The following TMEM59 variants were observed in gnomAD, a reference collection of about 807,000 sequenced individuals.
TMEM59 encodes transmembrane protein 59, also known as dendritic cell factor 1.
In TMEM59, 44 loss-of-function variants were observed where a neutral mutation model predicts 42.2. The ratio of observed to expected loss-of-function variants is 1.04; its 90% CI spans 0.82 to 1.34. The LOEUF (loss-of-function observed/expected upper bound fraction) is 1.34, where lower values mean the gene tolerates loss of function less well. Ranked by LOEUF, TMEM59 falls within the 40% of genes most tolerant of loss-of-function variation. The pLI is 0.00. For missense variants in TMEM59, 359 were observed against 382.8 expected (o/e 0.94, Z 0.52); for synonymous variants, 148 against 145.8 (o/e 1.02, Z -0.11).
At position 54,029,084 on chromosome 1, in the gene TMEM59, G is replaced by C. The variant is rs1461485150; in HGVS notation, c.*3066C>G. On this transcript the variant is annotated 3_prime_UTR_variant, in exon 8 of 8. Coordinates refer to ENST00000234831, the MANE Select transcript of TMEM59 (RefSeq NM_004872.5). ...GGCTCATTTATCTAAGACAAATCCA[G>C]ACAGACTAATAACAAAGGGTAAATT... The C allele has an allele frequency of 6.6e-6, 1 of 152,156 alleles. No individual in the cohort carries two copies. The highest frequency in any genetic ancestry group is 1.5e-5 in the Non-Finnish European group (1 of 68,026). The allele number at this position is 152,156 out of a possible 1,614,324, so 9.4% of individuals were successfully genotyped here. A position where few individuals can be genotyped will look rare whatever the true frequency, so the allele number is the denominator to read the frequency against.
intron 1 of TMEM59, among the ~76,000 whole-genome samples, chr1:54,050,566 CT>C (rs1553168062): frequency 4.8e-3 from 673 of 141,002 alleles, no homozygotes; most frequent in Non-Finnish European, 5.1e-3. Context: ...AAATATGTTT[CT>C]TTTTTTTTTT....
rs998442441 is a variant in TMEM59 at position 54,029,707 on chromosome 1, T to C, written c.*2443A>G. 7.2e-5 allele frequency: 11 copies of C among 152,140 alleles called. No homozygotes were observed. Among genetic ancestry groups the C allele is most frequent in the African/African-American group, 2.7e-4 (11 of 41,428 alleles). The allele number at this position is 152,140 out of a possible 1,614,324, so 9.4% of individuals were successfully genotyped here. ...TTCTTCTCAAAAGTAGATTCTGTGC[T>C]TCAGAATTTAATTACCACAAGGAGT... On this transcript the variant is annotated 3_prime_UTR_variant, in exon 8 of 8. Transcript: ENST00000234831.
At chr1:54,047,450 A>C in intron 1 of TMEM59, 78 bp from the exon 2 acceptor site, 1 of 1,155,882 alleles carries the variant, frequency 8.7e-7, no homozygotes, top group Non-Finnish European at 1.3e-6. Context: ...TTAGGAAGAA[A>C]GCAGTTAGTA....
In TMEM59 at chr1:54,032,001, T is replaced by C; in HGVS notation, c.*149A>G. ...TACAAAAACAATACCAATAAAGTTA[T>C]AGCAAATACAGTCTTCACAGATTTG... is the stretch of plus-strand genomic sequence containing the variant. On this transcript the variant is annotated 3_prime_UTR_variant, in exon 8 of 8. Transcript: ENST00000234831. The C allele has an allele frequency of 1.6e-6, 1 of 616,368 alleles. No homozygotes were observed. 38.2% of individuals were successfully genotyped at this position (616,368 alleles called of 1,614,324 possible).
At chr1:54,040,509 T>A (rs554106124) in intron 6 of TMEM59, among the ~76,000 whole-genome samples, 46 of 152,266 alleles carry the variant, frequency 3.0e-4, no homozygotes, top group African/African-American at 1.1e-3. Flanking sequence ...ACATTCAACA[T>A]AAATCAAGAG....
chr1:54,049,218 A>C (rs1657446989), intron 1 of TMEM59, among the ~76,000 whole-genome samples: 1 of 152,218 alleles, frequency 6.6e-6, no homozygotes, highest in Admixed American at 6.5e-5. Context: ...AAGTTACTTA[A>C]TCTAATTCCT....
intron 6 of TMEM59, among the ~76,000 whole-genome samples, chr1:54,040,500 C>T (rs1242762567): frequency 2.0e-5 from 3 of 152,132 alleles, no homozygotes; most frequent in Admixed American, 1.3e-4. Context: ...TGGAGAAGCA[C>T]ATTCAACATA....
intron 1 of TMEM59, among the ~76,000 whole-genome samples, chr1:54,050,205 A>C (rs1657481864): frequency 6.6e-6 from 1 of 151,200 alleles, no homozygotes; most frequent in African/African-American, 2.4e-5. Context: ...GGCTCACTGC[A>C]ACCTCCACCG....
rs1656766832 is a variant in TMEM59 at position 54,031,546 on chromosome 1, A to G, written c.*604T>C. On this transcript the variant is annotated 3_prime_UTR_variant, in exon 8 of 8. Coordinates refer to ENST00000234831, the MANE Select transcript of TMEM59 (RefSeq NM_004872.5). Reference sequence around the variant, plus strand: ...CTGCTGAGAGATCAGTTTTGCATCAAAATGGTCCCTGACCATCACATTATA... The same window carrying G: ...CTGCTGAGAGATCAGTTTTGCATCAGAATGGTCCCTGACCATCACATTATA... The G allele has an allele frequency of 6.6e-6, 1 of 152,664 alleles. No homozygotes were observed. Among genetic ancestry groups the G allele is most frequent in the Admixed American group, 6.5e-5 (1 of 15,280 alleles). The allele number at this position is 152,664 out of a possible 1,614,324, so 9.5% of individuals were successfully genotyped here. A position where few individuals can be genotyped will look rare whatever the true frequency, so the allele number is the denominator to read the frequency against.
At chr1:54,050,479 A>G (rs1350478844) in intron 1 of TMEM59, among the ~76,000 whole-genome samples, 2 of 151,672 alleles carry the variant, frequency 1.3e-5, no homozygotes, top group Admixed American at 6.6e-5. Context: ...AAATTCATCT[A>G]ATTTCTTACA....
At chr1:54,048,841 A>G (rs1657432923) in intron 1 of TMEM59, among the ~76,000 whole-genome samples, 1 of 152,224 alleles carries the variant, frequency 6.6e-6, no homozygotes, top group African/African-American at 2.4e-5. Flanking sequence ...TTATCATACA[A>G]CTTTGAAGGT....
chr1:54,049,628 A>C (rs1657461478), intron 1 of TMEM59, among the ~76,000 whole-genome samples: 1 of 152,180 alleles, frequency 6.6e-6, no homozygotes, highest in Admixed American at 6.5e-5. Context: ...GGACACAATA[A>C]ATAGTGCTTC....
Position 54,047,194 on chromosome 1 carries a change from G to T in TMEM59, c.295+73C>A, listed in dbSNP as rs1657368762. 3 of 1,262,528 alleles carry T rather than the reference G, an allele frequency of 2.4e-6. No homozygotes were observed. The East Asian group carries it at 7.7e-5, about 32-fold the overall frequency. 78.2% of individuals were successfully genotyped at this position (1,262,528 alleles called of 1,614,324 possible). A position where few individuals can be genotyped will look rare whatever the true frequency, so the allele number is the denominator to read the frequency against. ...AACAGTGTGTTTTCCATTTCCTAAA[G>T]AAAATACTTCAAAAGCTTATCACAA... On this transcript the variant is annotated intron_variant, in intron 2 of 7. Coordinates refer to ENST00000234831, the MANE Select transcript of TMEM59 (RefSeq NM_004872.5).
At chr1:54,048,148 G>A (rs1180043540) in intron 1 of TMEM59, 1 of 152,136 alleles carries the variant, frequency 6.6e-6, no homozygotes, top group Non-Finnish European at 1.5e-5. Context: ...TGACACAAGG[G>A]CCTGATAAAG....
intron 1 of TMEM59, among the ~76,000 whole-genome samples, chr1:54,052,492 A>C (rs535309704): frequency 6.6e-6 from 1 of 152,298 alleles, no homozygotes; most frequent in African/African-American, 2.4e-5. Flanking sequence ...CTACTCCCTG[A>C]GCTGCCTTCG....
chr1:54,032,321 A>G lies in TMEM59; in HGVS notation c.817-16T>C. ...TACTCAGCTTCTGCAAAAGAAAACC[A>G]ATGTACATTAGTAGTCTGGATAATT... On this transcript the variant is annotated splice_polypyrimidine_tract_variant and intron_variant, in intron 7 of 7. Coordinates refer to ENST00000234831, the MANE Select transcript of TMEM59 (RefSeq NM_004872.5). The G allele has an allele frequency of 1.3e-6, 2 of 1,592,474 alleles. No homozygotes were observed. Among genetic ancestry groups the G allele is most frequent in the Non-Finnish European group, 1.7e-6 (2 of 1,169,218 alleles).
At chr1:54,037,958 C>T (rs146889509) in intron 6 of TMEM59, among the ~76,000 whole-genome samples, 14 of 152,286 alleles carry the variant, frequency 9.2e-5, no homozygotes, top group African/African-American at 2.2e-4. Flanking sequence ...TGGGGCTCAT[C>T]CCTTCAATCT....
chr1:54,028,253 G>A lies in TMEM59; in HGVS notation c.*3897C>T. 6.6e-6 allele frequency: 1 copy of A among 152,114 alleles called. No individual in the cohort carries two copies. The highest frequency in any genetic ancestry group is 1.9e-4 in the East Asian group (1 of 5,198). The allele number at this position is 152,114 out of a possible 1,614,324, so 9.4% of individuals were successfully genotyped here. ...TTACCATCCAGACAACAATGTGGGG[G>A]AGCAGAGAGAGCGTTATAGAGAAAA... On this transcript the variant is annotated 3_prime_UTR_variant, in exon 8 of 8. Coordinates refer to ENST00000234831, the MANE Select transcript of TMEM59 (RefSeq NM_004872.5).
chr1:54,052,987 G>T lies in TMEM59; in HGVS notation c.189+13C>A. On this transcript the variant is annotated intron_variant, in intron 1 of 7. Transcript: ENST00000234831. ...CAAGGGAAGGGTCGCAGCCCGCTCC[G>T]GACGGGCCCTACCTTAGGGTAGGTG... 6.2e-7 allele frequency: 1 copy of T among 1,603,298 alleles called. No homozygotes were observed. The highest frequency in any genetic ancestry group is 8.5e-7 in the Non-Finnish European group (1 of 1,172,222).
Sources: allele counts gnomAD v4.1 joint callset (sites outside exome capture counted in the v4.1 genomes callset), GRCh38; gene constraint gnomAD v4.1.1; transcripts MANE v1.5; gene names NCBI Gene and HGNC (gene_info 2026-07-23, HGNC 2026-07-21).